The following C12orf42 variants were observed in gnomAD, a reference collection of about 807,000 sequenced individuals.
The protein encoded by C12orf42 is uncharacterized protein C12orf42.
Under a neutral mutation model 21.6 loss-of-function variants are expected in C12orf42, and 25 were observed. That is an observed-to-expected ratio of 1.16 (90% CI 0.84 to 1.62). The LOEUF is 1.62. Ranked by LOEUF, C12orf42 falls within the 40% of genes most tolerant of loss-of-function variation. C12orf42 has a pLI of 0.00. For missense variants in C12orf42, 483 were observed against 459.3 expected, an observed-to-expected ratio of 1.05 and a Z score of -0.47; for synonymous variants, 174 against 175.0, an observed-to-expected ratio of 0.99 and a Z score of 0.05.
At chr12:103,406,206 T>C (rs1031419537) in intron 2 of C12orf42, among the ~76,000 whole-genome samples, 2 of 152,022 alleles carry the variant, frequency 1.3e-5, no homozygotes, top group African/African-American at 4.8e-5. Flanking sequence ...ACCTGAGGAG[T>C]AGCTAAAATG....
intron 2 of C12orf42, among the ~76,000 whole-genome samples, chr12:103,475,011 T>G (rs1050982601): frequency 6.6e-6 from 1 of 152,250 alleles, no homozygotes; most frequent in Non-Finnish European, 1.5e-5. Flanking sequence ...ACAGTAAATT[T>G]GAACTTTTGT....
At chr12:103,481,462 A>G (rs1451413083) in intron 1 of C12orf42, among the ~76,000 whole-genome samples, 1 of 151,960 alleles carries the variant, frequency 6.6e-6, no homozygotes, top group Non-Finnish European at 1.5e-5. Flanking sequence ...GCCTGTCCCT[A>G]TTTAAAAGTA....
At chr12:103,557,788 G>C in the C12orf42 span, 1 of 152,088 alleles carries the variant, frequency 6.6e-6, no homozygotes, top group African/African-American at 2.4e-5. Flanking sequence ...TCCCCAAGCT[G>C]TTCCTTGAAG....
intron 5 of C12orf42, 101 bp downstream of exon 5, chr12:103,305,873 A>C: frequency 7.3e-7 from 1 of 1,365,862 alleles, no homozygotes; most frequent in Non-Finnish European, 9.9e-7. Flanking sequence ...CTAGAATAGG[A>C]CTGGCCATGA....
chr12:103,428,546 AGGAGCT>A (rs1289946284), intron 2 of C12orf42, among the ~76,000 whole-genome samples: 1 of 152,218 alleles, frequency 6.6e-6, no homozygotes, highest in Non-Finnish European at 1.5e-5. Flanking sequence ...AGGTACAAGG[AGGAGCT>A]GGTACCATTC....
intron 2 of C12orf42, among the ~76,000 whole-genome samples, chr12:103,453,279 T>C (rs1565854182): frequency 2.0e-5 from 3 of 151,926 alleles, no homozygotes; most frequent in African/African-American, 7.2e-5. Flanking sequence ...TATATTTATA[T>C]AAGAGGTTTT....
chr12:103,386,523 G>T (rs781177030), intron 3 of C12orf42, among the ~76,000 whole-genome samples: 3 of 152,126 alleles, frequency 2.0e-5, no homozygotes, highest in Non-Finnish European at 2.9e-5. Context: ...GAATGACTCT[G>T]GTTAAGTGCT....
intron 2 of C12orf42, among the ~76,000 whole-genome samples, chr12:103,426,971 A>G (rs1329657628): frequency 6.6e-6 from 1 of 152,222 alleles, no homozygotes; most frequent in East Asian, 1.9e-4. Context: ...CTAAATATGG[A>G]AAGAAAAAAC....
downstream of C12orf42, among the ~76,000 whole-genome samples, chr12:103,299,042 T>C (rs2037485408): frequency 6.6e-6 from 1 of 152,208 alleles, no homozygotes; most frequent in Non-Finnish European, 1.5e-5. Flanking sequence ...ACCTCACTTA[T>C]GTACCAACCG....
At chr12:103,453,617 CTAA>C (rs1335092349) in intron 2 of C12orf42, among the ~76,000 whole-genome samples, 1 of 151,934 alleles carries the variant, frequency 6.6e-6, no homozygotes, top group Admixed American at 6.6e-5. Flanking sequence ...CCTTATTTCC[CTAA>C]TAATATTAAT....
chr12:103,438,443 A>G (rs1950922852), intron 2 of C12orf42, among the ~76,000 whole-genome samples: 1 of 152,006 alleles, frequency 6.6e-6, no homozygotes. Context: ...AGGGTATTCA[A>G]TTAGGAAAAG....
At chr12:103,180,091 A>G in the C12orf42 span, among the ~76,000 whole-genome samples, 4 of 152,074 alleles carry the variant, frequency 2.6e-5, no homozygotes, top group African/African-American at 7.2e-5. Context: ...CCAAAAATCA[A>G]TGATTTAAAC....
intron 10 of C12orf42, among the ~76,000 whole-genome samples, chr12:103,243,610 T>C (rs2033861238): frequency 6.6e-6 from 1 of 152,176 alleles, no homozygotes; most frequent in South Asian, 2.1e-4. Context: ...ATTTAATGAT[T>C]GATGATGCCT....
chr12:103,062,359 C>T, the C12orf42 span, among the ~76,000 whole-genome samples: 1 of 151,530 alleles, frequency 6.6e-6, no homozygotes, highest in Non-Finnish European at 1.5e-5. Context: ...TTTTTGTTTG[C>T]TTAGTCATAT....
At chr12:103,084,883 AG>A in the C12orf42 span, among the ~76,000 whole-genome samples, 1 of 152,202 alleles carries the variant, frequency 6.6e-6, no homozygotes, top group Non-Finnish European at 1.5e-5. Flanking sequence ...TGCCCTGGGA[AG>A]GCCTGGAAAC....
the C12orf42 span, among the ~76,000 whole-genome samples, chr12:103,145,954 T>TATAG: frequency 2.7e-5 from 4 of 150,894 alleles, no homozygotes; most frequent in Admixed American, 2.6e-4. Context: ...CATATATATA[T>TATAG]AGAGAGAGAG....
At chr12:103,474,078 G>T (rs1953845128) in intron 2 of C12orf42, among the ~76,000 whole-genome samples, 2 of 152,096 alleles carry the variant, frequency 1.3e-5, no homozygotes, top group African/African-American at 2.4e-5. Flanking sequence ...TCCCATGGTG[G>T]TTTTTCAGTT....
intron 4 of C12orf42, among the ~76,000 whole-genome samples, chr12:103,328,370 A>T (rs189638206): frequency 1.3e-4 from 20 of 152,216 alleles, no homozygotes; most frequent in African/African-American, 4.6e-4. Flanking sequence ...AGTCGGGAGG[A>T]GGGAGATGTT....
Position 103,244,113 on chromosome 12 carries a change from C to T in C12orf42, c.*1367-6211G>A, listed in dbSNP as rs532057171. ...CTGACCTCAGACTGCCTTTATATGT[C>T]TCATTTCCAGTAGGTCACATTTATG... On this transcript the variant is annotated intron_variant and NMD_transcript_variant, in intron 10 of 10. Coordinates refer to the C12orf42 transcript ENST00000547347. 1.6e-4 allele frequency among the ~76,000 whole-genome samples: 25 copies of T among 152,212 alleles called. No individual in the cohort carries two copies. In the South Asian group the frequency reaches 3.1e-3, roughly 19 times the overall value.
Sources: allele counts gnomAD v4.1 joint callset (sites outside exome capture counted in the v4.1 genomes callset), GRCh38; gene constraint gnomAD v4.1.1; transcripts MANE v1.5; gene names NCBI Gene and HGNC (gene_info 2026-07-23, HGNC 2026-07-21).